Variants in TRAPPC8 observed in about 807,000 individuals in gnomAD.
TRAPPC8 encodes the protein trafficking protein particle complex subunit 8.
TRAPPC8 carries 54 observed loss-of-function variants against 174.3 expected under a neutral mutation model. The ratio of observed to expected loss-of-function variants is 0.31; its 90% CI spans 0.25 to 0.39. The LOEUF (loss-of-function observed/expected upper bound fraction) is 0.39. TRAPPC8 is among the 10% of genes least tolerant of loss of function. The pLI, the probability that TRAPPC8 is intolerant of heterozygous loss-of-function variation, is 1.00. For synonymous variants in TRAPPC8, 630 were observed against 579.9 expected, an observed-to-expected ratio of 1.09 and a Z score of -1.24; for missense variants, 1,531 against 1,699.1, an observed-to-expected ratio of 0.90 and a Z score of 1.74.
rs1015918472 is a variant in TRAPPC8 at position 31,874,380 on chromosome 18, T to C, written c.1953+100A>G. On this transcript the variant is annotated intron_variant, in intron 13 of 28. Coordinates refer to ENST00000283351, the MANE Select transcript of TRAPPC8 (RefSeq NM_014939.5). ...AGCTTTTTTATGACTGATAACTACA[T>C]ATATTCTAATAAAACTATCGTAAGA... The C allele has an allele frequency of 4.0e-6, 5 of 1,255,212 alleles. No homozygotes were observed. The African/African-American group carries it at 6.0e-5, about 15-fold the overall frequency. The allele number at this position is 1,255,212 out of a possible 1,614,324, so 77.8% of individuals were successfully genotyped here.
At chr18:31,865,470 A>G (rs1258892538) in intron 18 of TRAPPC8, among the ~76,000 whole-genome samples, 1 of 152,020 alleles carries the variant, frequency 6.6e-6, no homozygotes, top group Non-Finnish European at 1.5e-5. Flanking sequence ...AAATGTATTG[A>G]TTCCCACACT....
At chr18:31,907,209 T>A (rs2036698207) in intron 9 of TRAPPC8, among the ~76,000 whole-genome samples, 2 of 152,108 alleles carry the variant, frequency 1.3e-5, no homozygotes, top group South Asian at 2.1e-4. Flanking sequence ...TCTCAAACGC[T>A]TGGGCTCAAG....
chr18:31,943,034 T>G lies in TRAPPC8; in HGVS notation c.-270A>C. 1 of 563,036 alleles carries G rather than the reference T, an allele frequency of 1.8e-6. No homozygotes were observed. The allele number at this position is 563,036 out of a possible 1,614,324, so 34.9% of individuals were successfully genotyped here. ...CCCCGATAGGTGGAGACGCCGACAG[T>G]CACCACTTAGTCCTTCGGACGGCAA... On this transcript the variant is annotated 5_prime_UTR_variant, in exon 1 of 29. Coordinates refer to ENST00000283351, the MANE Select transcript of TRAPPC8 (RefSeq NM_014939.5).
chr18:31,872,464 T>C (rs772199123), intron 14 of TRAPPC8, among the ~76,000 whole-genome samples: 13 of 152,048 alleles, frequency 8.5e-5, no homozygotes, highest in South Asian at 2.1e-4. Context: ...TGAGACAGTC[T>C]TGCTGGAGCG....
At position 31,829,216 on chromosome 18, in the gene TRAPPC8, T is replaced by G; in HGVS notation, c.*1539A>C. The stretch of plus-strand genomic sequence containing the variant: ...AAGTAATTTTGAGTGCTTTATTACC[T>G]TTATTTTTAATATATTCAGTTGTAG... On this transcript the variant is annotated 3_prime_UTR_variant, in exon 29 of 29. Transcript: ENST00000283351. 1 of 152,358 alleles carries G rather than the reference T, an allele frequency of 6.6e-6. No individual in the cohort carries two copies. The highest frequency in any genetic ancestry group is 1.5e-5 in the Non-Finnish European group (1 of 68,038). The allele number at this position is 152,358 out of a possible 1,614,324, so 9.4% of individuals were successfully genotyped here. A position where few individuals can be genotyped will look rare whatever the true frequency, so the allele number is the denominator to read the frequency against.
intron 12 of TRAPPC8, among the ~76,000 whole-genome samples, chr18:31,876,174 T>C (rs1444238688): frequency 6.6e-6 from 1 of 152,120 alleles, no homozygotes; most frequent in Non-Finnish European, 1.5e-5. Context: ...TATCAATTTT[T>C]TTAAAAGGAG....
rs1007340920 is a variant in TRAPPC8 at position 31,840,157 on chromosome 18, G to A, written c.3838-700C>T. Among the ~76,000 whole-genome samples, 5 of 152,288 alleles carry A rather than the reference G, an allele frequency of 3.3e-5. No individual in the cohort carries two copies. The Middle Eastern group carries it at 0.014, about 414-fold the overall frequency. On this transcript the variant is annotated intron_variant, in intron 26 of 28. Coordinates refer to ENST00000283351, the MANE Select transcript of TRAPPC8 (RefSeq NM_014939.5). Reference sequence around the variant, plus strand: ...GCAGATCACTTGAGGCCAGGAGTTGGAGGTTAGCCTGGCCAACATGGTGAA... The same window carrying A: ...GCAGATCACTTGAGGCCAGGAGTTGAAGGTTAGCCTGGCCAACATGGTGAA...
intron 27 of TRAPPC8, chr18:31,833,389 A>C (rs190808424): frequency 3.9e-5 from 6 of 152,256 alleles, no homozygotes; most frequent in African/African-American, 1.2e-4. Context: ...TACCCCAGCA[A>C]ACTGTAAGTA....
rs370000085 is a variant in TRAPPC8 at position 31,830,018 on chromosome 18, A to G, written c.*737T>C. ...ATACATTTTTGAAAAGCTTATTTTT[A>G]ATTAACTTGAGATTTATATTTTAAA... On this transcript the variant is annotated 3_prime_UTR_variant, in exon 29 of 29. Coordinates refer to ENST00000283351, the MANE Select transcript of TRAPPC8 (RefSeq NM_014939.5). 1 of 152,628 alleles carries G rather than the reference A, an allele frequency of 6.6e-6. No individual in the cohort carries two copies. The allele number at this position is 152,628 out of a possible 1,614,324, so 9.5% of individuals were successfully genotyped here. A position where few individuals can be genotyped will look rare whatever the true frequency, so the allele number is the denominator to read the frequency against.
chr18:31,933,686 T>C (rs2037953605), intron 1 of TRAPPC8, among the ~76,000 whole-genome samples: 1 of 152,156 alleles, frequency 6.6e-6, no homozygotes, highest in African/African-American at 2.4e-5. Flanking sequence ...TGACACATTC[T>C]TCTCAATGGA....
intron 26 of TRAPPC8, chr18:31,844,670 T>C (rs1438137239): frequency 1.3e-5 from 2 of 151,444 alleles, no homozygotes; most frequent in Non-Finnish European, 2.9e-5. Context: ...TGAGCCGAGA[T>C]TGTGCCACTG....
At position 31,942,845 on chromosome 18, in the gene TRAPPC8, C is replaced by G; in HGVS notation, c.-81G>C. 4 of 1,262,732 alleles carry G rather than the reference C, an allele frequency of 3.2e-6. No homozygotes were observed. The highest frequency in any genetic ancestry group is 3.1e-5 in the African/African-American group (2 of 64,572). 78.2% of individuals were successfully genotyped at this position (1,262,732 alleles called of 1,614,324 possible). On this transcript the variant is annotated 5_prime_UTR_variant, in exon 1 of 29. Coordinates refer to ENST00000283351, the MANE Select transcript of TRAPPC8 (RefSeq NM_014939.5). Reference sequence around the variant, plus strand: ...CCTGCGGCTGCAGCAGCTACCGCCGCCGCCCGCCGGCCTGGCCCGGCCGGG... The same window carrying G: ...CCTGCGGCTGCAGCAGCTACCGCCGGCGCCCGCCGGCCTGGCCCGGCCGGG...
intron 15 of TRAPPC8, 46 bp from the exon 16 acceptor site, chr18:31,870,548 C>A (rs747563160): frequency 1.3e-6 from 2 of 1,567,954 alleles, no homozygotes; most frequent in East Asian, 4.5e-5. Context: ...AAACATCACA[C>A]CTCATTCTCA....
chr18:31,838,583 A>G (rs1292195895), intron 27 of TRAPPC8, among the ~76,000 whole-genome samples: 1 of 151,940 alleles, frequency 6.6e-6, no homozygotes, highest in Non-Finnish European at 1.5e-5. Flanking sequence ...CTTACCTCCT[A>G]TTTGCTTCTC....
intron 27 of TRAPPC8, among the ~76,000 whole-genome samples, chr18:31,838,115 G>A (rs1361966998): frequency 3.3e-5 from 5 of 152,122 alleles, no homozygotes; most frequent in Non-Finnish European, 5.9e-5. Context: ...AACTACAGGT[G>A]TGTACCACCA....
chr18:31,910,024 T>C (rs1340464808), intron 5 of TRAPPC8, among the ~76,000 whole-genome samples: 1 of 152,176 alleles, frequency 6.6e-6, no homozygotes, highest in Non-Finnish European at 1.5e-5. Flanking sequence ...TCTCTCAGGA[T>C]ATCTACTTAT....
intron 1 of TRAPPC8, among the ~76,000 whole-genome samples, chr18:31,939,181 T>C (rs1346060115): frequency 2.0e-5 from 3 of 151,202 alleles, no homozygotes; most frequent in Admixed American, 2.0e-4. Flanking sequence ...AATGTATTTA[T>C]ACCAGCAAAA....
At chr18:31,850,333 T>C (rs1237313547) in intron 24 of TRAPPC8, among the ~76,000 whole-genome samples, 1 of 152,128 alleles carries the variant, frequency 6.6e-6, no homozygotes, top group Non-Finnish European at 1.5e-5. Context: ...CTTCCAAGTA[T>C]CTAGGGAGAA....
chr18:31,869,812 G>C (rs1179598902), intron 16 of TRAPPC8, among the ~76,000 whole-genome samples: 1 of 152,190 alleles, frequency 6.6e-6, no homozygotes, highest in Non-Finnish European at 1.5e-5. Flanking sequence ...TGGAAGGCCG[G>C]GCGCGGTGGC....
Sources: gnomAD v4.1 joint callset for allele counts (sites outside exome capture counted in the v4.1 genomes callset) on GRCh38, gnomAD v4.1.1 for gene constraint, MANE v1.5 for transcripts, NCBI Gene and HGNC (gene_info 2026-07-23, HGNC 2026-07-21) for gene names.